Variants in MCC observed in about 807,000 individuals in gnomAD.
MCC encodes MCC regulator of Wnt signaling pathway.
MCC carries 90 observed loss-of-function variants against 116.2 expected under a neutral mutation model. That is an observed-to-expected ratio of 0.77 (90% CI 0.65 to 0.92). The LOEUF is 0.92. Ranked by LOEUF, MCC falls within the 40% of genes least tolerant of loss-of-function variation. MCC has a pLI of 0.00. For missense variants in MCC, 1,516 were observed against 1,312.2 expected (o/e 1.16, Z -2.40); for synonymous variants, 578 against 510.5 (o/e 1.13, Z -1.78).
intron 6 of MCC, among the ~76,000 whole-genome samples, chr5:113,117,170 C>T (rs1006085220): frequency 1.3e-5 from 2 of 152,206 alleles, no homozygotes; most frequent in Non-Finnish European, 1.5e-5. Flanking sequence ...GCAGGGCTGC[C>T]TTTCCCTGCC....
At chr5:113,458,489 C>T (rs1046863836) in intron 1 of MCC, among the ~76,000 whole-genome samples, 8 of 152,172 alleles carry the variant, frequency 5.3e-5, no homozygotes, top group Non-Finnish European at 7.3e-5. Flanking sequence ...ACACTCACCG[C>T]GAGGGTCCAT....
chr5:113,170,463 C>T (rs1218208392), intron 3 of MCC, among the ~76,000 whole-genome samples: 3 of 152,028 alleles, frequency 2.0e-5, no homozygotes, highest in Non-Finnish European at 2.9e-5. Context: ...ATTTCTGTGG[C>T]GTCATTAAAG....
chr5:113,367,634 G>GT (rs377722386), intron 2 of MCC, among the ~76,000 whole-genome samples: 3,068 of 112,546 alleles, frequency 0.027, 140 homozygotes, highest in African/African-American at 0.095. Flanking sequence ...GAGGGTGGGG[G>GT]GGGGGAAGAG....
intron 1 of MCC, among the ~76,000 whole-genome samples, chr5:113,419,061 T>G (rs930065763): frequency 6.6e-6 from 1 of 152,162 alleles, no homozygotes; most frequent in Non-Finnish European, 1.5e-5. Context: ...AGAATTACCA[T>G]GTGACCCAGC....
intron 4 of MCC, among the ~76,000 whole-genome samples, chr5:113,147,220 A>T (rs1759576349): frequency 6.6e-6 from 1 of 152,190 alleles, no homozygotes; most frequent in African/African-American, 2.4e-5. Flanking sequence ...TAATAAAAAC[A>T]AGCAACATCG....
intron 3 of MCC, among the ~76,000 whole-genome samples, chr5:113,244,421 C>T (rs551331522): frequency 1.3e-5 from 2 of 152,320 alleles, no homozygotes; most frequent in African/African-American, 4.8e-5. Flanking sequence ...TTATGTAATA[C>T]TCTATATAAT....
chr5:113,122,810 A>T lies in MCC; in HGVS notation c.901T>A (p.Ser301Thr). ...GTTIREEDEY[S>T]ELRSELSQSQ... Reference sequence around the variant, plus strand: ...TGGCTGAGTTCTGATCGCAGTTCTGAGTACTCATCTTCCTCCCTGAGAAAA... The same window carrying T: ...TGGCTGAGTTCTGATCGCAGTTCTGTGTACTCATCTTCCTCCCTGAGAAAA... The change falls in exon 6 of 19, where the codon TCA becomes ACA. Residue 301 changes from serine to threonine, a missense_variant. Ser to Thr is a moderately conservative substitution (Grantham distance 58). Transcript: ENST00000408903. The T allele has an allele frequency of 6.2e-7, 1 of 1,614,188 alleles. No homozygotes were observed. Among genetic ancestry groups the T allele is most frequent in the Non-Finnish European group, 8.5e-7 (1 of 1,180,020 alleles).
chr5:113,473,977 C>T (rs1390575292), intron 1 of MCC, among the ~76,000 whole-genome samples: 1 of 152,144 alleles, frequency 6.6e-6, no homozygotes, highest in Admixed American at 6.5e-5. Flanking sequence ...TGATGTGAGA[C>T]TTATCTAAAG....
intron 15 of MCC, 132 bp downstream of exon 15, chr5:113,053,593 C>G (rs1163145301): frequency 4.7e-6 from 3 of 639,092 alleles, no homozygotes; most frequent in African/African-American, 1.8e-5. Flanking sequence ...CCAGCTCTGT[C>G]TATAAACAAG....
At chr5:113,041,950 T>C (rs1365007601) in intron 17 of MCC, among the ~76,000 whole-genome samples, 1 of 152,042 alleles carries the variant, frequency 6.6e-6, no homozygotes, top group East Asian at 1.9e-4. Context: ...TGAGCCGAGA[T>C]CGCACCACTG....
chr5:113,294,201 T>C (rs1051416612), intron 3 of MCC: 35 of 1,147,316 alleles, frequency 3.1e-5, no homozygotes, highest in African/African-American at 2.2e-4. Context: ...TAATCTTCAA[T>C]TGCGCTGCCT....
intron 17 of MCC, among the ~76,000 whole-genome samples, chr5:113,034,009 C>G (rs532454934): frequency 6.6e-6 from 1 of 152,264 alleles, no homozygotes; most frequent in African/African-American, 2.4e-5. Context: ...ACCTCAGCCT[C>G]CTGAGTGGCT....
intron 15 of MCC, among the ~76,000 whole-genome samples, chr5:113,052,607 C>T (rs527950904): frequency 1.8e-4 from 28 of 152,292 alleles, no homozygotes; most frequent in African/African-American, 6.3e-4. Flanking sequence ...AGGATGGCTG[C>T]TGTTGCCAGC....
At chr5:113,294,331 C>T in intron 3 of MCC, 1 of 1,613,854 alleles carries the variant, frequency 6.2e-7, no homozygotes, top group Non-Finnish European at 8.5e-7. Context: ...TTTCTTACCT[C>T]ACTCAGCTCG....
intron 15 of MCC, among the ~76,000 whole-genome samples, chr5:113,052,195 T>G (rs567541156): frequency 3.6e-4 from 55 of 152,272 alleles, no homozygotes; most frequent in Middle Eastern, 6.8e-3. Context: ...CGTTGGCCAA[T>G]TTTAAAAAGG....
Position 113,083,023 on chromosome 5 carries a change from A to C in MCC, c.1636-15T>G. On this transcript the variant is annotated splice_polypyrimidine_tract_variant and intron_variant, in intron 10 of 18. Transcript: ENST00000408903. ...CTGCTGGATACCTGCAAAAAGAAGC[A>C]TTAATTCCCCTTTGGAACATATCAT... is the stretch of plus-strand genomic sequence containing the variant. The C allele has an allele frequency of 6.2e-7, 1 of 1,608,256 alleles. No homozygotes were observed. Among genetic ancestry groups the C allele is most frequent in the East Asian group, 2.2e-5 (1 of 44,806 alleles).
chr5:113,059,146 A>AAG (rs1554110312), intron 14 of MCC, among the ~76,000 whole-genome samples: 340 of 3,254 alleles, frequency 0.1, no homozygotes, highest in East Asian at 0.16. Flanking sequence ...GGAAGGAAAT[A>AAG]AAAAAAAAAA....
chr5:113,079,197 G>C (rs997412721), intron 11 of MCC, among the ~76,000 whole-genome samples: 5 of 152,184 alleles, frequency 3.3e-5, no homozygotes, highest in African/African-American at 1.2e-4. Context: ...CTCATGGATA[G>C]GAAGAATCAA....
At chr5:113,351,128 G>A (rs995973791) in intron 2 of MCC, among the ~76,000 whole-genome samples, 37 of 152,000 alleles carry the variant, frequency 2.4e-4, no homozygotes, top group Non-Finnish European at 7.4e-5. Context: ...ACCATTTGGA[G>A]GTTTTTCAAA....
Sources: gnomAD v4.1 joint callset for allele counts (sites outside exome capture counted in the v4.1 genomes callset) on GRCh38, gnomAD v4.1.1 for gene constraint, MANE v1.5 for transcripts, NCBI Gene and HGNC (gene_info 2026-07-23, HGNC 2026-07-21) for gene names.